CALN1: variants seen among roughly 807,000 people sequenced by gnomAD.
CALN1 encodes calneuron 1.
Under a neutral mutation model 30.6 loss-of-function variants are expected in CALN1, and 17 were observed. The observed-to-expected ratio is 0.56, with a 90% CI of 0.38 to 0.83. CALN1 has a LOEUF of 0.83. CALN1 is among the 40% of genes least tolerant of loss of function. CALN1 has a pLI of 0.00. For synonymous variants in CALN1, 156 were observed against 131.4 expected, an observed-to-expected ratio of 1.19 and a Z score of -1.28; for missense variants, 291 against 354.9, an observed-to-expected ratio of 0.82 and a Z score of 1.45.
At chr7:72,160,166 G>C (rs1033027885) in intron 3 of CALN1, among the ~76,000 whole-genome samples, 1 of 152,182 alleles carries the variant, frequency 6.6e-6, no homozygotes. Context: ...ATGCTAGGGA[G>C]AGATTAGATT....
chr7:72,487,771 A>G, the CALN1 span, among the ~76,000 whole-genome samples: 76 of 134,542 alleles, frequency 5.6e-4, no homozygotes, highest in African/African-American at 8.0e-4. Flanking sequence ...GGGTAAAGAA[A>G]GAAAGAAAGA....
intron 2 of CALN1, among the ~76,000 whole-genome samples, chr7:72,340,056 G>C (rs1458267808): frequency 6.6e-6 from 1 of 152,174 alleles, no homozygotes; most frequent in Non-Finnish European, 1.5e-5. Flanking sequence ...CTAGCACATA[G>C]ACCTTGGATG....
intron 2 of CALN1, among the ~76,000 whole-genome samples, chr7:72,378,119 T>C (rs953818209): frequency 1.3e-5 from 2 of 152,178 alleles, no homozygotes; most frequent in African/African-American, 4.8e-5. Flanking sequence ...TAACAACCCC[T>C]GGTAGTGGTT....
At chr7:72,265,098 G>C (rs1375846997) in intron 3 of CALN1, among the ~76,000 whole-genome samples, 1 of 152,206 alleles carries the variant, frequency 6.6e-6, no homozygotes, top group African/African-American at 2.4e-5. Flanking sequence ...TGGGATGACA[G>C]GCATGAGCCA....
chr7:72,374,217 T>C (rs1296853990), intron 2 of CALN1, among the ~76,000 whole-genome samples: 1 of 152,208 alleles, frequency 6.6e-6, no homozygotes, highest in Non-Finnish European at 1.5e-5. Flanking sequence ...GTGAATTTAA[T>C]AGACTATTCT....
the CALN1 span, among the ~76,000 whole-genome samples, chr7:72,481,382 C>T: frequency 2.0e-5 from 3 of 152,360 alleles, no homozygotes; most frequent in East Asian, 3.8e-4. Flanking sequence ...AGCCACCACG[C>T]CCAGCTGATT....
At chr7:72,444,161 C>T (rs1240167073) in intron 1 of CALN1, among the ~76,000 whole-genome samples, 2 of 151,750 alleles carry the variant, frequency 1.3e-5, no homozygotes, top group Admixed American at 6.6e-5. Flanking sequence ...CTCCTCTTTC[C>T]ATTCAGAGCG....
intron 3 of CALN1, among the ~76,000 whole-genome samples, chr7:72,275,614 C>A (rs979987563): frequency 3.3e-5 from 5 of 152,160 alleles, no homozygotes; most frequent in African/African-American, 1.2e-4. Flanking sequence ...TCCTGAAGGA[C>A]AAACACAGCA....
intron 4 of CALN1, among the ~76,000 whole-genome samples, chr7:72,036,668 AT>A (rs1801816306): frequency 6.6e-6 from 1 of 151,850 alleles, no homozygotes; most frequent in Non-Finnish European, 1.5e-5. Context: ...AATTTCTCTT[AT>A]GTTTCATTTT....
At chr7:71,911,192 A>T (rs1437146539) in intron 5 of CALN1, among the ~76,000 whole-genome samples, 1 of 152,196 alleles carries the variant, frequency 6.6e-6, no homozygotes, top group Non-Finnish European at 1.5e-5. Context: ...TTGGTAGCTG[A>T]TTGAAACCCA....
intron 5 of CALN1, among the ~76,000 whole-genome samples, chr7:71,924,368 C>T (rs17341778): frequency 0.36 from 54,936 of 151,586 alleles, 10,453 homozygotes; most frequent in Non-Finnish European, 0.43. Context: ...ATTTCCTTGG[C>T]GAGAGGTATA....
At chr7:71,868,207 G>A (rs910242784) in intron 5 of CALN1, among the ~76,000 whole-genome samples, 2 of 152,088 alleles carry the variant, frequency 1.3e-5, no homozygotes, top group African/African-American at 2.4e-5. Flanking sequence ...AATTTATAAA[G>A]AAAAGAAGTT....
At chr7:72,006,461 C>G (rs1292794134) in intron 5 of CALN1, among the ~76,000 whole-genome samples, 2 of 152,072 alleles carry the variant, frequency 1.3e-5, no homozygotes, top group Non-Finnish European at 2.9e-5. Flanking sequence ...ACAGTTATAA[C>G]AGGATTGCCA....
intron 6 of CALN1, among the ~76,000 whole-genome samples, chr7:71,809,685 C>T (rs1303597889): frequency 6.6e-6 from 1 of 151,780 alleles, no homozygotes; most frequent in Admixed American, 6.6e-5. Flanking sequence ...TTAGGAGATT[C>T]AGTAGGCTCT....
In CALN1 at chr7:72,173,051, T is replaced by C. The variant is rs139209862; in HGVS notation, c.245-66757A>G. The stretch of plus-strand genomic sequence containing the variant: ...TCTCTTATTTGCAGATGAATGTTTG[T>C]ATAGAAATGTACAAGATATCTACAA... On this transcript the variant is annotated intron_variant, in intron 3 of 6. Transcript: ENST00000395275. Among the ~76,000 whole-genome samples, 49 of 152,272 alleles carry C rather than the reference T, an allele frequency of 3.2e-4. 1 individual carries two copies. The East Asian group carries it at 7.5e-3, about 23-fold the overall frequency.
intron 2 of CALN1, among the ~76,000 whole-genome samples, chr7:72,362,469 T>C (rs1189101388): frequency 1.3e-5 from 2 of 152,190 alleles, no homozygotes; most frequent in Non-Finnish European, 2.9e-5. Flanking sequence ...GAGGGTGATC[T>C]TCTCAAAGCC....
chr7:72,143,859 C>T (rs1215169050), intron 3 of CALN1, among the ~76,000 whole-genome samples: 1 of 152,094 alleles, frequency 6.6e-6, no homozygotes, highest in Non-Finnish European at 1.5e-5. Flanking sequence ...CCCAGAATTT[C>T]ATATCCAGCC....
chr7:72,229,586 G>C (rs967368442), intron 3 of CALN1, among the ~76,000 whole-genome samples: 5 of 151,990 alleles, frequency 3.3e-5, no homozygotes, highest in African/African-American at 4.8e-5. Flanking sequence ...TATACACCAT[G>C]GAATACTATG....
chr7:72,270,895 C>A (rs966321440), intron 3 of CALN1, among the ~76,000 whole-genome samples: 18 of 152,118 alleles, frequency 1.2e-4, no homozygotes, highest in Admixed American at 2.0e-4. Context: ...AGATGAAACC[C>A]AATAAGATCA....
Sources: gnomAD v4.1 joint callset for allele counts (sites outside exome capture counted in the v4.1 genomes callset) on GRCh38, gnomAD v4.1.1 for gene constraint, MANE v1.5 for transcripts, NCBI Gene and HGNC (gene_info 2026-07-23, HGNC 2026-07-21) for gene names.